Variants in SEMA5A observed in about 807,000 individuals in gnomAD.
SEMA5A encodes semaphorin-5A.
SEMA5A carries 55 observed loss-of-function variants against 135.5 expected under a neutral mutation model. That is an observed-to-expected ratio of 0.41 (90% CI 0.33 to 0.51). The LOEUF (loss-of-function observed/expected upper bound fraction) is 0.51, where lower values mean the gene tolerates loss of function less well. SEMA5A is among the 20% of genes least tolerant of loss of function. The probability of loss-of-function intolerance (pLI) is 0.37; values close to 1 mark genes in which losing one functional copy is unlikely to be tolerated. For missense variants in SEMA5A, 1,290 were observed against 1,419.9 expected, an observed-to-expected ratio of 0.91 and a Z score of 1.47; for synonymous variants, 580 against 546.5, an observed-to-expected ratio of 1.06 and a Z score of -0.85.
chr5:9,302,122 C>T (rs1185501086), intron 5 of SEMA5A, among the ~76,000 whole-genome samples: 1 of 152,144 alleles, frequency 6.6e-6, no homozygotes, highest in South Asian at 2.1e-4. Flanking sequence ...CTGCATCTCT[C>T]TTCTAAAAAC....
Position 9,042,775 on chromosome 5 carries a change from GGCTTGAAATGC to G in SEMA5A, c.*111_*121del. 3 of 1,216,564 alleles carry G rather than the reference GGCTTGAAATGC, an allele frequency of 2.5e-6. No individual in the cohort carries two copies. In the South Asian group the frequency reaches 4.0e-5, roughly 16 times the overall value. 75.4% of individuals were successfully genotyped at this position (1,216,564 alleles called of 1,614,324 possible). Reference sequence around the variant, plus strand: ...TTTGGCAGCAATGGGACACTCTGGTGGCTTGAAATGCACTTGAAATGTATCCAAACTTCGAC... The same window carrying G: ...TTTGGCAGCAATGGGACACTCTGGTGACTTGAAATGTATCCAAACTTCGAC... On this transcript the variant is annotated 3_prime_UTR_variant, in exon 23 of 23. Transcript: ENST00000382496.
intron 1 of SEMA5A, among the ~76,000 whole-genome samples, chr5:9,524,530 C>T (rs1184582005): frequency 1.3e-5 from 2 of 152,184 alleles, no homozygotes; most frequent in African/African-American, 4.8e-5. Flanking sequence ...CTGGAATATA[C>T]TGTCTCTCGG....
At chr5:9,059,473 G>A (rs934966125) in intron 18 of SEMA5A, among the ~76,000 whole-genome samples, 2 of 152,110 alleles carry the variant, frequency 1.3e-5, no homozygotes, top group African/African-American at 2.4e-5. Flanking sequence ...CCTTATTATA[G>A]TTTATTTATA....
chr5:9,410,626 G>T (rs1449699181), intron 2 of SEMA5A, among the ~76,000 whole-genome samples: 2 of 152,132 alleles, frequency 1.3e-5, no homozygotes, highest in East Asian at 1.9e-4. Context: ...ACCAAACACT[G>T]CATGTTCTCA....
intron 5 of SEMA5A, among the ~76,000 whole-genome samples, chr5:9,283,898 T>C (rs1428517267): frequency 6.6e-6 from 1 of 152,144 alleles, no homozygotes; most frequent in African/African-American, 2.4e-5. Flanking sequence ...ATTTTCATGA[T>C]TGCAGGACAT....
At chr5:9,162,382 A>ATGTG (rs1221606161) in intron 11 of SEMA5A, among the ~76,000 whole-genome samples, 11,185 of 126,980 alleles carry the variant, frequency 0.088, 626 homozygotes, top group East Asian at 0.19. Context: ...TCAAACAAAC[A>ATGTG]TGTGTGTGTG....
intron 1 of SEMA5A, among the ~76,000 whole-genome samples, chr5:9,540,592 G>T (rs910095791): frequency 2.6e-5 from 4 of 152,080 alleles, no homozygotes; most frequent in African/African-American, 4.8e-5. Context: ...GCAAGACTCT[G>T]TCTCAAAAAT....
intron 5 of SEMA5A, among the ~76,000 whole-genome samples, chr5:9,304,698 C>T (rs549049208): frequency 6.6e-6 from 1 of 152,024 alleles, no homozygotes; most frequent in Non-Finnish European, 1.5e-5. Flanking sequence ...TTTACTTTAT[C>T]CCTCTTCCTC....
At chr5:9,384,461 C>A (rs1755743217) in intron 2 of SEMA5A, among the ~76,000 whole-genome samples, 1 of 152,026 alleles carries the variant, frequency 6.6e-6, no homozygotes, top group Admixed American at 6.6e-5. Context: ...CCTCCCACCA[C>A]CAACTTTGCA....
intron 15 of SEMA5A, among the ~76,000 whole-genome samples, chr5:9,114,982 T>C (rs1321505647): frequency 6.6e-6 from 1 of 152,142 alleles, no homozygotes; most frequent in African/African-American, 2.4e-5. Context: ...CTCAACTGCA[T>C]CAGATCACCT....
At chr5:9,321,862 G>GCACATGTATGTT (rs1345573424) in intron 4 of SEMA5A, among the ~76,000 whole-genome samples, 1 of 152,200 alleles carries the variant, frequency 6.6e-6, no homozygotes, top group African/African-American at 2.4e-5. Context: ...ACATACACGT[G>GCACATGTATGTT]CACATGTATG....
chr5:9,494,812 C>T (rs1735218794), intron 1 of SEMA5A, among the ~76,000 whole-genome samples: 1 of 152,054 alleles, frequency 6.6e-6, no homozygotes, highest in Admixed American at 6.6e-5. Context: ...GAGATGTTTC[C>T]AAAACAAGTA....
chr5:9,080,244 C>A (rs13175728), intron 16 of SEMA5A, among the ~76,000 whole-genome samples: 1 of 151,964 alleles, frequency 6.6e-6, no homozygotes, highest in Non-Finnish European at 1.5e-5. Flanking sequence ...TCATGTCCTT[C>A]GCAGAGACTT....
chr5:9,228,926 A>G (rs1002691016), intron 6 of SEMA5A, among the ~76,000 whole-genome samples: 1 of 152,198 alleles, frequency 6.6e-6, no homozygotes, highest in South Asian at 2.1e-4. Flanking sequence ...ACTGCATAGC[A>G]TCGAGACAGC....
intron 1 of SEMA5A, among the ~76,000 whole-genome samples, chr5:9,449,123 T>C (rs1237023041): frequency 6.6e-6 from 1 of 152,182 alleles, no homozygotes; most frequent in Non-Finnish European, 1.5e-5. Context: ...TACCCGTATG[T>C]TCACTGCAGT....
intron 16 of SEMA5A, among the ~76,000 whole-genome samples, chr5:9,106,570 T>G (rs990318132): frequency 6.6e-6 from 1 of 152,192 alleles, no homozygotes; most frequent in African/African-American, 2.4e-5. Flanking sequence ...TCCTGTGGTT[T>G]CCCAGCAAAT....
chr5:9,272,716 A>G (rs913425044), intron 5 of SEMA5A, among the ~76,000 whole-genome samples: 2 of 152,104 alleles, frequency 1.3e-5, no homozygotes, highest in Non-Finnish European at 2.9e-5. Flanking sequence ...ATACCCAGGC[A>G]AACAGGGTCT....
chr5:9,265,042 G>A (rs1201386188), intron 5 of SEMA5A, among the ~76,000 whole-genome samples: 1 of 152,152 alleles, frequency 6.6e-6, no homozygotes, highest in East Asian at 1.9e-4. Flanking sequence ...TAATGCACAT[G>A]CATTTAGGAA....
intron 1 of SEMA5A, among the ~76,000 whole-genome samples, chr5:9,441,256 G>A (rs1303842607): frequency 6.6e-6 from 1 of 152,222 alleles, no homozygotes; most frequent in Admixed American, 6.5e-5. Flanking sequence ...ATGGGCAGAA[G>A]AGTCAAGGAA....
Sources: gnomAD v4.1 joint callset for allele counts (sites outside exome capture counted in the v4.1 genomes callset) on GRCh38, gnomAD v4.1.1 for gene constraint, MANE v1.5 for transcripts, NCBI Gene and HGNC (gene_info 2026-07-23, HGNC 2026-07-21) for gene names.